TRAF3IP1: variants seen among roughly 807,000 people sequenced by gnomAD.
TRAF3IP1 encodes the protein intraflagellar transport 54.
TRAF3IP1 carries 53 observed loss-of-function variants against 89.9 expected under a neutral mutation model. The observed-to-expected ratio is 0.59, with a 90% confidence interval of 0.47 to 0.74. The LOEUF is 0.74. Among genes scored for constraint, TRAF3IP1 ranks in the 30% least tolerant of loss-of-function variants. The probability of loss-of-function intolerance (pLI) is 0.00; values close to 1 mark genes in which losing one functional copy is unlikely to be tolerated. For missense variants in TRAF3IP1, 806 were observed against 866.1 expected (o/e 0.93, Z 0.87); for synonymous variants, 311 against 322.1 (o/e 0.97, Z 0.37).
At chr2:238,395,318 C>T (rs1232580976) in intron 15 of TRAF3IP1, among the ~76,000 whole-genome samples, 2 of 152,178 alleles carry the variant, frequency 1.3e-5, no homozygotes, top group East Asian at 1.9e-4. Context: ...GCTGGGAAAA[C>T]TGGCTAGCCA....
At position 238,349,309 on chromosome 2, in the gene TRAF3IP1, C is replaced by T. The variant is rs768893239; in HGVS notation, c.1368-16C>T. On this transcript the variant is annotated splice_polypyrimidine_tract_variant and intron_variant, in intron 11 of 16. Coordinates refer to ENST00000373327, the MANE Select transcript of TRAF3IP1 (RefSeq NM_015650.4). The stretch of plus-strand genomic sequence containing the variant: ...CTTTCATACTCCTTTTTTGGTTTTC[C>T]AATATTTGGGTTTAGAAGAATTCCT... The T allele has an allele frequency of 1.6e-5, 26 of 1,610,446 alleles. No homozygotes were observed. Among genetic ancestry groups the T allele is most frequent in the South Asian group, 2.2e-5 (2 of 90,608 alleles).
chr2:238,377,862 G>T (rs1700382547), intron 15 of TRAF3IP1, among the ~76,000 whole-genome samples: 2 of 152,078 alleles, frequency 1.3e-5, no homozygotes, highest in Admixed American at 1.3e-4. Context: ...TTTCATTTTT[G>T]TATTAATTAT....
intron 15 of TRAF3IP1, among the ~76,000 whole-genome samples, chr2:238,365,612 C>T (rs373016823): frequency 1.3e-5 from 2 of 151,688 alleles, no homozygotes; most frequent in East Asian, 1.9e-4. Context: ...GAGCCAAGCT[C>T]GCGCCACTGC....
At chr2:238,386,696 C>T (rs1046364359) in intron 15 of TRAF3IP1, among the ~76,000 whole-genome samples, 55 of 152,306 alleles carry the variant, frequency 3.6e-4, no homozygotes, top group African/African-American at 1.3e-3. Context: ...ACAAGAATAA[C>T]CCAACTCATA....
intron 15 of TRAF3IP1, among the ~76,000 whole-genome samples, chr2:238,396,561 G>C (rs988410583): frequency 4.0e-5 from 6 of 151,070 alleles, no homozygotes. Flanking sequence ...AAAAAGGAAA[G>C]AAGGAGAAAG....
chr2:238,347,603 A>T, intron 10 of TRAF3IP1, 128 bp downstream of exon 10: 3 of 869,976 alleles, frequency 3.4e-6, no homozygotes, highest in Non-Finnish European at 3.7e-6. Flanking sequence ...ATGGAAAAAG[A>T]TCATAACTAC....
intron 5 of TRAF3IP1, among the ~76,000 whole-genome samples, chr2:238,330,028 G>A (rs1315625627): frequency 6.6e-6 from 1 of 152,196 alleles, no homozygotes; most frequent in Non-Finnish European, 1.5e-5. Flanking sequence ...TGTCTTGCAG[G>A]TGTTTTAAGA....
chr2:238,344,630 C>T (rs758200107), intron 9 of TRAF3IP1, 32 bp downstream of exon 9: 20 of 1,591,714 alleles, frequency 1.3e-5, no homozygotes, highest in South Asian at 4.4e-5. Context: ...CCTTTCCTGG[C>T]GAGAGCAGAG....
At chr2:238,364,740 T>C (rs1032994645) in intron 15 of TRAF3IP1, among the ~76,000 whole-genome samples, 3 of 152,236 alleles carry the variant, frequency 2.0e-5, no homozygotes, top group Admixed American at 1.3e-4. Flanking sequence ...TAGATTTCCT[T>C]CTTTCTTCAT....
At chr2:238,394,244 T>G (rs1189952524) in intron 15 of TRAF3IP1, among the ~76,000 whole-genome samples, 1 of 152,232 alleles carries the variant, frequency 6.6e-6, no homozygotes, top group Non-Finnish European at 1.5e-5. Context: ...GTCTTTATTC[T>G]TTTTCTGAAA....
chr2:238,384,349 T>G (rs563860776), intron 15 of TRAF3IP1, among the ~76,000 whole-genome samples: 2 of 124,126 alleles, frequency 1.6e-5, no homozygotes, highest in African/African-American at 6.0e-5. Flanking sequence ...TGTATGTATG[T>G]ATGTATGTAT....
chr2:238,356,282 A>T (rs112723204), intron 15 of TRAF3IP1, among the ~76,000 whole-genome samples: 5 of 152,350 alleles, frequency 3.3e-5, no homozygotes, highest in African/African-American at 1.2e-4. Flanking sequence ...AGCTTACCTG[A>T]GCCCAGGAGT....
chr2:238,370,988 G>A (rs1281158530), intron 15 of TRAF3IP1, among the ~76,000 whole-genome samples: 1 of 152,172 alleles, frequency 6.6e-6, no homozygotes, highest in African/African-American at 2.4e-5. Flanking sequence ...TGAGTGCTAG[G>A]GAGCGGGCAT....
chr2:238,360,242 A>G (rs1303094189), intron 15 of TRAF3IP1, among the ~76,000 whole-genome samples: 1 of 152,242 alleles, frequency 6.6e-6, no homozygotes, highest in African/African-American at 2.4e-5. Context: ...AACTGCAGAA[A>G]GTGAAACTAT....
intron 15 of TRAF3IP1, among the ~76,000 whole-genome samples, chr2:238,377,001 G>T (rs969504303): frequency 6.6e-6 from 1 of 152,132 alleles, no homozygotes; most frequent in Non-Finnish European, 1.5e-5. Context: ...GTGGTGAGTG[G>T]CAGAGGAGTG....
In TRAF3IP1 at chr2:238,379,665, C is replaced by T. The variant is rs556952120; in HGVS notation, c.1690-17794C>T. Among the ~76,000 whole-genome samples, 2 of 152,346 alleles carry T rather than the reference C, an allele frequency of 1.3e-5. No individual in the cohort carries two copies. The highest frequency in any genetic ancestry group is 6.5e-5 in the Admixed American group (1 of 15,310). On this transcript the variant is annotated intron_variant, in intron 15 of 16. Coordinates refer to ENST00000373327, the MANE Select transcript of TRAF3IP1 (RefSeq NM_015650.4). This position sits in a 1 kb window ranked among gnomAD's most constrained non-coding sequence, Gnocchi z 4.0. ...GTTTAGACGGTGGTTTCCTCCCCCG[C>T]TCACATGCCAGCCATTCAGTTCAGT...
chr2:238,388,267 C>T (rs953377708), intron 15 of TRAF3IP1, among the ~76,000 whole-genome samples: 1 of 148,956 alleles, frequency 6.7e-6, no homozygotes, highest in Non-Finnish European at 1.5e-5. Context: ...CCCAGCTACT[C>T]GGGAGGCTGA....
At chr2:238,323,691 A>G (rs1697672942) in intron 1 of TRAF3IP1, among the ~76,000 whole-genome samples, 2 of 152,204 alleles carry the variant, frequency 1.3e-5, no homozygotes, top group South Asian at 4.1e-4. Flanking sequence ...ATATGTGGCT[A>G]TGAGCATACC....
chr2:238,395,264 C>G (rs1403880150), intron 15 of TRAF3IP1, among the ~76,000 whole-genome samples: 1 of 152,078 alleles, frequency 6.6e-6, no homozygotes, highest in Non-Finnish European at 1.5e-5. Flanking sequence ...ACAAACCTGA[C>G]AAAAACAAGC....
Sources: gnomAD v4.1 joint callset for allele counts (sites outside exome capture counted in the v4.1 genomes callset) on GRCh38, gnomAD v4.1.1 for gene constraint, Gnocchi (gnomAD v3.1) non-coding constraint, MANE v1.5 for transcripts, NCBI Gene and HGNC (gene_info 2026-07-23, HGNC 2026-07-21) for gene names.